Variants in CACNA1C observed in about 807,000 individuals in gnomAD.
The protein encoded by CACNA1C is calcium voltage-gated channel subunit alpha1 C, also known as voltage-dependent L-type calcium channel subunit alpha-1C.
In CACNA1C, 30 loss-of-function variants were observed where a neutral mutation model predicts 229.0. The ratio of observed to expected loss-of-function variants is 0.13; its 90% confidence interval spans 0.10 to 0.18. CACNA1C has a LOEUF of 0.18. CACNA1C is among the 10% of genes least tolerant of loss of function. The pLI, the probability that CACNA1C is intolerant of heterozygous loss-of-function variation, is 1.00. For synonymous variants in CACNA1C, 1,114 were observed against 1,132.5 expected (o/e 0.98, Z 0.33); for missense variants, 1,658 against 2,845.0 (o/e 0.58, Z 9.49).
At chr12:2,373,553 G>A (rs2097928384) in intron 3 of CACNA1C, among the ~76,000 whole-genome samples, 1 of 152,146 alleles carries the variant, frequency 6.6e-6, no homozygotes, top group Admixed American at 6.5e-5. Context: ...GGAGCGCTCT[G>A]AACTGGGCAG....
intron 1 of CACNA1C, among the ~76,000 whole-genome samples, chr12:2,072,025 T>A (rs2061516727): frequency 6.6e-6 from 1 of 152,160 alleles, no homozygotes; most frequent in Admixed American, 6.5e-5. Context: ...GATGTGGACA[T>A]GCTTTGAAAG....
In CACNA1C at chr12:2,579,240, G is replaced by A. The variant is rs551317323; in HGVS notation, c.1896-2350G>A. ...ACATGCCTCTTTACTTCATGAAAAC[G>A]AAGGCTCCAACCTTCCATGACCATT... On this transcript the variant is annotated intron_variant, in intron 13 of 46. Coordinates refer to ENST00000399655, the MANE Select transcript of CACNA1C (RefSeq NM_000719.7). Among the ~76,000 whole-genome samples, 58 of 152,222 alleles carry A rather than the reference G, an allele frequency of 3.8e-4. No individual in the cohort carries two copies. In the Middle Eastern group the frequency reaches 0.01, roughly 27 times the overall value.
At chr12:2,500,101 C>T (rs2099755788) in intron 7 of CACNA1C, among the ~76,000 whole-genome samples, 1 of 152,216 alleles carries the variant, frequency 6.6e-6, no homozygotes, top group Non-Finnish European at 1.5e-5. Flanking sequence ...CCACCCTGGC[C>T]TCGTCCGTCT....
Position 2,107,091 on chromosome 12 carries a change from T to C in CACNA1C, c.50-8133T>C, listed in dbSNP as rs112643655. Among the ~76,000 whole-genome samples the C allele has an allele frequency of 7.6e-3, 284 of 37,408 alleles. 5 individuals are homozygous for C. The highest frequency in any genetic ancestry group is 0.026 in the Middle Eastern group (1 of 38). 24.5% of individuals were successfully genotyped at this position (37,408 alleles called of 152,430 possible). A position where few individuals can be genotyped will look rare whatever the true frequency, so the allele number is the denominator to read the frequency against. On this transcript the variant is annotated intron_variant, in intron 1 of 46. Transcript: ENST00000399655. ...TGCTCACCCCAGGGAGGGTTTCCAC[T>C]TCAGCTGGGGTGTCCTGAAGCCACT... is the stretch of plus-strand genomic sequence containing the variant.
In CACNA1C at chr12:2,354,831, G is replaced by C. The variant is rs900867601; in HGVS notation, c.478-94145G>C. On this transcript the variant is annotated intron_variant, in intron 3 of 46. Coordinates refer to ENST00000399655, the MANE Select transcript of CACNA1C (RefSeq NM_000719.7). This position sits in a 1 kb window ranked among gnomAD's most constrained non-coding sequence, Gnocchi z 4.6. ...CCCTGGGCTGCTCTCCACCTTCCAGGCTTAGCTGGAGTAACCATTTCAGAG... is the reference window on the plus strand; with the variant it reads ...CCCTGGGCTGCTCTCCACCTTCCAGCCTTAGCTGGAGTAACCATTTCAGAG... Among the ~76,000 whole-genome samples the C allele has an allele frequency of 6.6e-6, 1 of 152,166 alleles. No individual in the cohort carries two copies. Among genetic ancestry groups the C allele is most frequent in the Non-Finnish European group, 1.5e-5 (1 of 68,034 alleles).
intron 3 of CACNA1C, among the ~76,000 whole-genome samples, chr12:2,363,182 T>C (rs980197296): frequency 1.1e-4 from 16 of 152,176 alleles, no homozygotes; most frequent in African/African-American, 3.6e-4. Context: ...TTTCCCTGGC[T>C]GACCATAGCA....
chr12:2,399,896 C>T (rs2098652446), intron 3 of CACNA1C, among the ~76,000 whole-genome samples: 1 of 152,206 alleles, frequency 6.6e-6, no homozygotes, highest in Admixed American at 6.5e-5. Flanking sequence ...GACTTCCTGT[C>T]TCCTGCTTTT....
chr12:2,428,673 A>C (rs149208221), intron 3 of CACNA1C, among the ~76,000 whole-genome samples: 47 of 152,320 alleles, frequency 3.1e-4, no homozygotes, highest in Admixed American at 8.5e-4. Flanking sequence ...TCATGGTCCC[A>C]CTGAACTTGC....
chr12:1,995,143 T>C (rs961174969), intron 1 of CACNA1C, among the ~76,000 whole-genome samples: 1 of 152,180 alleles, frequency 6.6e-6, no homozygotes, highest in Non-Finnish European at 1.5e-5. Context: ...AAGAAATCCT[T>C]GAAAATACAA....
intron 3 of CACNA1C, among the ~76,000 whole-genome samples, chr12:2,207,094 G>C (rs2097775364): frequency 6.6e-6 from 1 of 152,168 alleles, no homozygotes; most frequent in African/African-American, 2.4e-5. Flanking sequence ...GGATGTGTCT[G>C]GGCCCCAGGA....
intron 1 of CACNA1C, among the ~76,000 whole-genome samples, chr12:1,974,853 G>T (rs902570197): frequency 1.3e-5 from 2 of 152,134 alleles, no homozygotes; most frequent in African/African-American, 4.8e-5. Context: ...CGCAGTTTTT[G>T]AGAAAGCTAT....
intron 3 of CACNA1C, among the ~76,000 whole-genome samples, chr12:2,158,903 C>T (rs1023328320): frequency 2.0e-4 from 30 of 151,992 alleles, no homozygotes; most frequent in African/African-American, 6.8e-4. Flanking sequence ...CCTTCATAGT[C>T]GTGATAAAGT....
intron 3 of CACNA1C, among the ~76,000 whole-genome samples, chr12:2,405,167 A>G (rs980447624): frequency 6.6e-6 from 1 of 152,242 alleles, no homozygotes; most frequent in Non-Finnish European, 1.5e-5. Flanking sequence ...TTAAATAATT[A>G]TAGGTTCATA....
At chr12:2,164,069 A>G (rs1053414446) in intron 3 of CACNA1C, among the ~76,000 whole-genome samples, 2 of 152,002 alleles carry the variant, frequency 1.3e-5, no homozygotes, top group African/African-American at 2.4e-5. Flanking sequence ...CCCCTCCTCT[A>G]TCTAAACCCT....
intron 1 of CACNA1C, among the ~76,000 whole-genome samples, chr12:2,080,723 A>T: frequency 6.6e-6 from 1 of 152,258 alleles, no homozygotes; most frequent in Admixed American, 6.5e-5. Context: ...GAAATGAAAA[A>T]CACATTTAAA....
rs981975215 is a variant in CACNA1C, at chr12:2,207,274, G to T, written c.477+86844G>T. Among the ~76,000 whole-genome samples, 4 of 152,192 alleles carry T rather than the reference G, an allele frequency of 2.6e-5. 1 individual carries two copies. The highest frequency in any genetic ancestry group is 2.4e-5 in the African/African-American group (1 of 41,446). ...TGGCTGACAGTCTTCCTAGAAAGAGGTCATTTGTTTGGCCCCTCCATGGGG... is the reference window on the plus strand; with the variant it reads ...TGGCTGACAGTCTTCCTAGAAAGAGTTCATTTGTTTGGCCCCTCCATGGGG... On this transcript the variant is annotated intron_variant, in intron 3 of 46. Transcript: ENST00000399655.
intron 1 of CACNA1C, among the ~76,000 whole-genome samples, chr12:2,075,551 A>G (rs1041428310): frequency 3.3e-5 from 5 of 152,028 alleles, no homozygotes; most frequent in African/African-American, 1.2e-4. Context: ...GGCTTCTAAA[A>G]CGCTTTGCCA....
chr12:2,506,536 C>A (rs528518754), intron 8 of CACNA1C, among the ~76,000 whole-genome samples: 2 of 152,092 alleles, frequency 1.3e-5, no homozygotes, highest in African/African-American at 4.8e-5. Context: ...TAATAAGTGC[C>A]CAATAATGGT....
At chr12:2,377,157 A>C (rs1292117092) in intron 3 of CACNA1C, among the ~76,000 whole-genome samples, 2 of 152,118 alleles carry the variant, frequency 1.3e-5, no homozygotes, top group Admixed American at 6.5e-5. Flanking sequence ...GGAGAAATTA[A>C]ATGGGCTGTC....
Sources: allele counts gnomAD v4.1 joint callset (sites outside exome capture counted in the v4.1 genomes callset), GRCh38; gene constraint gnomAD v4.1.1; non-coding constraint Gnocchi (gnomAD v3.1); transcripts MANE v1.5; gene names NCBI Gene and HGNC (gene_info 2026-07-23, HGNC 2026-07-21).